SLC24A2: variants seen among roughly 807,000 people sequenced by gnomAD.
SLC24A2 encodes the protein solute carrier family 24 member 2.
In SLC24A2, 36 loss-of-function variants were observed where a neutral mutation model predicts 62.0. The ratio of observed to expected loss-of-function variants is 0.58; its 90% CI spans 0.44 to 0.77. The LOEUF (loss-of-function observed/expected upper bound fraction) is 0.77. Among genes scored for constraint, SLC24A2 ranks in the 30% least tolerant of loss-of-function variants. The probability of loss-of-function intolerance (pLI) is 0.00; values close to 1 mark genes in which losing one functional copy is unlikely to be tolerated. For synonymous variants in SLC24A2, 358 were observed against 294.0 expected (o/e 1.22, Z -2.23); for missense variants, 846 against 817.9 (o/e 1.03, Z -0.42).
At chr9:20,162,707 TG>T in the SLC24A2 span, among the ~76,000 whole-genome samples, 1 of 152,092 alleles carries the variant, frequency 6.6e-6, no homozygotes, top group South Asian at 2.1e-4. Flanking sequence ...ATATCCTTGA[TG>T]AACATTGATG....
Position 19,513,153 on chromosome 9 carries a change from G to GATATATATATATATATATATATAT in SLC24A2, c.*2999_*3000insATATATATATATATATATATATAT, listed in dbSNP as rs1188899124. The GATATATATATATATATATATATAT allele has an allele frequency of 6.6e-4, 53 of 80,444 alleles. No individual in the cohort carries two copies. The highest frequency in any genetic ancestry group is 1.5e-3 in the Admixed American group (10 of 6,522). 5.0% of individuals were successfully genotyped at this position (80,444 alleles called of 1,614,324 possible). On this transcript the variant is annotated 3_prime_UTR_variant, in exon 11 of 11. Coordinates refer to ENST00000341998, the MANE Select transcript of SLC24A2 (RefSeq NM_020344.4). Reference sequence around the variant, plus strand: ...TGTGTACATATAGATCTGGTATAAAGATATATATATATATATATATATGTA... The same window carrying GATATATATATATATATATATATAT: ...TGTGTACATATAGATCTGGTATAAAGATATATATATATATATATATATATATATATATATATATATATATATGTA...
chr9:19,697,872 T>C (rs1032670397), intron 2 of SLC24A2, among the ~76,000 whole-genome samples: 19 of 152,158 alleles, frequency 1.2e-4, no homozygotes, highest in Admixed American at 7.9e-4. Flanking sequence ...AAAAACAATT[T>C]CTAATTTAAT....
chr9:19,754,713 C>T (rs1822086765), intron 2 of SLC24A2, among the ~76,000 whole-genome samples: 1 of 151,590 alleles, frequency 6.6e-6, no homozygotes, highest in African/African-American at 2.4e-5. Flanking sequence ...AATGGCAGGG[C>T]CCTGGTGGTG....
chr9:19,751,977 C>T (rs1821998849), intron 2 of SLC24A2, among the ~76,000 whole-genome samples: 1 of 152,206 alleles, frequency 6.6e-6, no homozygotes, highest in Admixed American at 6.5e-5. Context: ...CCAGCTGCTT[C>T]TCTGCAAAGA....
the SLC24A2 span, among the ~76,000 whole-genome samples, chr9:20,037,732 T>C: frequency 6.6e-6 from 1 of 152,186 alleles, no homozygotes; most frequent in Non-Finnish European, 1.5e-5. Flanking sequence ...TTTGGTAATG[T>C]CTGGAGACAC....
the SLC24A2 span, among the ~76,000 whole-genome samples, chr9:19,966,017 C>T: frequency 6.6e-6 from 1 of 152,180 alleles, no homozygotes; most frequent in African/African-American, 2.4e-5. Context: ...TAGGTAGCAT[C>T]ACAGGTGTGC....
the SLC24A2 span, among the ~76,000 whole-genome samples, chr9:20,159,162 T>C: frequency 6.6e-6 from 1 of 151,634 alleles, no homozygotes; most frequent in Non-Finnish European, 1.5e-5. Context: ...ATCGACTATA[T>C]AAAAAAATCT....
the SLC24A2 span, among the ~76,000 whole-genome samples, chr9:20,054,172 T>A: frequency 6.6e-6 from 1 of 152,028 alleles, no homozygotes; most frequent in South Asian, 2.1e-4. Flanking sequence ...TTTTTTCTTT[T>A]TCTTTTCTTT....
At chr9:19,954,484 G>C in the SLC24A2 span, among the ~76,000 whole-genome samples, 9 of 152,016 alleles carry the variant, frequency 5.9e-5, no homozygotes, top group African/African-American at 1.9e-4. Context: ...GGCTATCCCA[G>C]ATAAACAGGG....
chr9:20,275,682 C>G, the SLC24A2 span, among the ~76,000 whole-genome samples: 2 of 152,120 alleles, frequency 1.3e-5, no homozygotes, highest in Non-Finnish European at 2.9e-5. Flanking sequence ...TGAAATTCTA[C>G]GTGTGTATTC....
At chr9:20,208,700 T>C in the SLC24A2 span, among the ~76,000 whole-genome samples, 3 of 152,210 alleles carry the variant, frequency 2.0e-5, no homozygotes, top group African/African-American at 4.8e-5. Flanking sequence ...TATGGTTGTT[T>C]CCAGAACGAG....
the SLC24A2 span, among the ~76,000 whole-genome samples, chr9:19,818,925 T>A: frequency 6.6e-6 from 1 of 152,156 alleles, no homozygotes; most frequent in Non-Finnish European, 1.5e-5. Context: ...TCTGGAGGCA[T>A]CACACTACTT....
At chr9:19,965,599 T>C in the SLC24A2 span, among the ~76,000 whole-genome samples, 1 of 152,210 alleles carries the variant, frequency 6.6e-6, no homozygotes, top group Non-Finnish European at 1.5e-5. Context: ...CTCAATTCAG[T>C]GAAATTGATT....
intron 9 of SLC24A2, among the ~76,000 whole-genome samples, chr9:19,523,081 T>A (rs1268932885): frequency 6.6e-6 from 1 of 152,106 alleles, no homozygotes; most frequent in African/African-American, 2.4e-5. Context: ...TACTCGGGGG[T>A]TGAGGCACGA....
chr9:19,882,078 A>G, the SLC24A2 span, among the ~76,000 whole-genome samples: 8 of 152,230 alleles, frequency 5.3e-5, no homozygotes, highest in East Asian at 3.8e-4. Flanking sequence ...AATCTGTCAT[A>G]CATTAATCTT....
the SLC24A2 span, among the ~76,000 whole-genome samples, chr9:20,042,285 T>C: frequency 4.0e-3 from 616 of 152,268 alleles, 4 homozygotes; most frequent in African/African-American, 0.014. Context: ...CAACTTCACT[T>C]AAAGATACAG....
the SLC24A2 span, among the ~76,000 whole-genome samples, chr9:19,836,791 A>G: frequency 6.6e-6 from 1 of 152,104 alleles, no homozygotes; most frequent in African/African-American, 2.4e-5. Flanking sequence ...AGAATTTTAG[A>G]CCAAAATCCT....
At chr9:20,105,322 C>A in the SLC24A2 span, among the ~76,000 whole-genome samples, 72 of 151,388 alleles carry the variant, frequency 4.8e-4, no homozygotes, top group Non-Finnish European at 1.2e-4. Context: ...ACCCAGGAAT[C>A]GAACTCAGCT....
chr9:19,767,623 G>A (rs1822558386), intron 2 of SLC24A2, among the ~76,000 whole-genome samples: 1 of 152,106 alleles, frequency 6.6e-6, no homozygotes, highest in South Asian at 2.1e-4. Context: ...TACCCTCTGT[G>A]GGCTGCATGC....
Sources: allele counts gnomAD v4.1 joint callset (sites outside exome capture counted in the v4.1 genomes callset), GRCh38; gene constraint gnomAD v4.1.1; transcripts MANE v1.5; gene names NCBI Gene and HGNC (gene_info 2026-07-23, HGNC 2026-07-21).